The following HEATR5A variants were observed in gnomAD, a reference collection of about 807,000 sequenced individuals.
The protein encoded by HEATR5A is HEAT repeat-containing protein 5A.
HEATR5A carries 178 observed loss-of-function variants against 218.8 expected under a neutral mutation model. The ratio of observed to expected loss-of-function variants is 0.81; its 90% CI spans 0.72 to 0.92. The LOEUF (loss-of-function observed/expected upper bound fraction) is 0.92, where lower values mean the gene tolerates loss of function less well. Ranked by LOEUF, HEATR5A falls within the 40% of genes least tolerant of loss-of-function variation. HEATR5A has a pLI of 0.00. For missense variants in HEATR5A, 2,420 were observed against 2,418.9 expected (o/e 1.00, Z -0.01); for synonymous variants, 864 against 871.6 (o/e 0.99, Z 0.15).
In HEATR5A at chr14:31,358,912, A is replaced by G. The variant is rs775000349; in HGVS notation, c.2217T>C (p.His739=). 1 of 1,596,998 alleles carries G rather than the reference A, an allele frequency of 6.3e-7. No individual in the cohort carries two copies. The highest frequency in any genetic ancestry group is 2.2e-5 in the East Asian group (1 of 44,774). ...GCCATACCTGTTCTTCAATAAATCT[A>G]TGGTCAGTCTCTTGTAGGAAAGGAC... ...ILSPFLQETD[H]RFIEEQLLLG... The change falls in exon 15 of 36, where the codon CAT becomes CAC. Residue 739 remains histidine, a synonymous_variant. Transcript: ENST00000543095.
At chr14:31,303,253 T>G (rs912279189) in intron 32 of HEATR5A, among the ~76,000 whole-genome samples, 1 of 151,962 alleles carries the variant, frequency 6.6e-6, no homozygotes, top group Non-Finnish European at 1.5e-5. Flanking sequence ...GCCAATATGG[T>G]GAAATCCTGT....
chr14:31,403,545 A>T (rs2030952368), intron 1 of HEATR5A, among the ~76,000 whole-genome samples: 1 of 152,170 alleles, frequency 6.6e-6, no homozygotes, highest in Non-Finnish European at 1.5e-5. Flanking sequence ...GCCCATTAGC[A>T]TCAGTTCCCC....
chr14:31,326,286 C>G lies in HEATR5A; in HGVS notation c.3424G>C (p.Glu1142Gln). ...TCATGGCATAATCTCTCATCTGTCT[C>G]CTTGTCTAGTAAGATCAACAATGCC... is the stretch of plus-strand genomic sequence containing the variant. Reference protein sequence around the residue: ...EGALLILLDKETDERLCHDIK... With the variant: ...EGALLILLDKQTDERLCHDIK... The change falls in exon 23 of 36, where the codon GAG becomes CAG. Residue 1142 changes from glutamate to glutamine, a missense_variant. Transcript: ENST00000543095. The G allele has an allele frequency of 6.2e-7, 1 of 1,613,398 alleles. No individual in the cohort carries two copies. Among genetic ancestry groups the G allele is most frequent in the African/African-American group, 1.3e-5 (1 of 75,020 alleles).
rs1595106845 is a variant in HEATR5A, at chr14:31,333,322, C to A, written c.3367+4154G>T. Among the ~76,000 whole-genome samples, 4 of 152,118 alleles carry A rather than the reference C, an allele frequency of 2.6e-5. No individual in the cohort carries two copies. The South Asian group carries it at 6.2e-4, about 24-fold the overall frequency. On this transcript the variant is annotated intron_variant, in intron 22 of 35. Transcript: ENST00000543095. ...GGAGTACAGTGGCGTGATCTTGGCT[C>A]ACTGCAACCTCTGCCTCCCGGGTTC... is the stretch of plus-strand genomic sequence containing the variant.
intron 1 of HEATR5A, among the ~76,000 whole-genome samples, chr14:31,407,901 T>C (rs559804518): frequency 5.0e-4 from 76 of 152,336 alleles, no homozygotes; most frequent in Middle Eastern, 3.4e-3. Flanking sequence ...GTGCTGGAAT[T>C]ACAGAGGTGA....
At chr14:31,294,586 T>G (rs1899117312) in intron 34 of HEATR5A, among the ~76,000 whole-genome samples, 1 of 152,030 alleles carries the variant, frequency 6.6e-6, no homozygotes, top group Non-Finnish European at 1.5e-5. Context: ...ATTTTTTGTA[T>G]TTTTAGTAGA....
chr14:31,343,171 C>G (rs983710406), intron 21 of HEATR5A, among the ~76,000 whole-genome samples: 9 of 151,820 alleles, frequency 5.9e-5, no homozygotes, highest in South Asian at 2.1e-4. Context: ...CGGCTCACTG[C>G]AACCTCCACC....
chr14:31,327,109 G>A (rs570044472), intron 22 of HEATR5A, among the ~76,000 whole-genome samples: 1 of 151,502 alleles, frequency 6.6e-6, no homozygotes, highest in South Asian at 2.1e-4. Context: ...TAAGTAGCTG[G>A]GACTACAGGT....
chr14:31,307,987 GAAC>G lies in HEATR5A; in HGVS notation c.4721_4723del (p.Arg1574_Ser1575delinsPro). ...AGTTATGCTTTCCATGGTTGCATCT[GAAC>G]GTAAGGAACATAGAAATTCCACGCT... is the stretch of plus-strand genomic sequence containing the variant. On this transcript the variant is annotated inframe_deletion, in exon 30 of 36. Transcript: ENST00000543095. The G allele has an allele frequency of 1.9e-6, 3 of 1,613,190 alleles. No homozygotes were observed. Among genetic ancestry groups the G allele is most frequent in the Non-Finnish European group, 2.5e-6 (3 of 1,179,602 alleles).
intron 21 of HEATR5A, among the ~76,000 whole-genome samples, chr14:31,341,487 G>A (rs768003655): frequency 2.4e-4 from 36 of 152,120 alleles, no homozygotes; most frequent in Non-Finnish European, 1.3e-4. Context: ...TCAACATCCT[G>A]GATTCAGGTG....
chr14:31,404,392 T>G (rs768006524), intron 1 of HEATR5A, among the ~76,000 whole-genome samples: 3 of 152,144 alleles, frequency 2.0e-5, no homozygotes, highest in Non-Finnish European at 4.4e-5. Context: ...TATTAGAAAA[T>G]TAGATGACAG....
In HEATR5A at chr14:31,388,999, G is replaced by C; in HGVS notation, c.779C>G (p.Ser260Ter). ...AGATACTCTGCGAATGCTTTGACGT[G>C]AGGCTGCTATGACAAAGAACAAAAC... ...VISKHPGTAASRQSIRRVSLE... is the reference protein window; with the variant it reads ...VISKHPGTAA Residue 260 changes from serine to a stop codon, truncating the protein, a stop_gained, in exon 7 of 36, where the codon TCA becomes TGA. Coordinates refer to ENST00000543095, the MANE Select transcript of HEATR5A (RefSeq NM_015473.4). LOFTEE classifies it high-confidence loss of function. The C allele has an allele frequency of 6.2e-7, 1 of 1,609,204 alleles. No individual in the cohort carries two copies. Among genetic ancestry groups the C allele is most frequent in the Non-Finnish European group, 8.5e-7 (1 of 1,177,394 alleles).
At chr14:31,404,593 T>C (rs1212497654) in intron 1 of HEATR5A, among the ~76,000 whole-genome samples, 1 of 152,120 alleles carries the variant, frequency 6.6e-6, no homozygotes, top group Non-Finnish European at 1.5e-5. Flanking sequence ...CATTTAAACA[T>C]AAGAAGATTG....
intron 6 of HEATR5A, 146 bp from the exon 7 acceptor site, chr14:31,389,151 AAC>A (rs772804675): frequency 6.9e-5 from 49 of 712,182 alleles, no homozygotes; most frequent in Non-Finnish European, 1.0e-4. Context: ...TCTACACAGT[AAC>A]ACACAAAGTC....
chr14:31,298,236 T>C (rs1899254153), intron 33 of HEATR5A, among the ~76,000 whole-genome samples: 1 of 151,136 alleles, frequency 6.6e-6, no homozygotes, highest in Non-Finnish European at 1.5e-5. Flanking sequence ...TGTCAGATAA[T>C]ATAATATGTG....
At chr14:31,397,991 G>A (rs1400137185) in intron 4 of HEATR5A, among the ~76,000 whole-genome samples, 1 of 152,078 alleles carries the variant, frequency 6.6e-6, no homozygotes, top group Non-Finnish European at 1.5e-5. Flanking sequence ...TTACATATTA[G>A]GGACCACGGA....
intron 22 of HEATR5A, among the ~76,000 whole-genome samples, chr14:31,328,629 C>T (rs1480868584): frequency 6.6e-6 from 1 of 152,130 alleles, no homozygotes; most frequent in Non-Finnish European, 1.5e-5. Context: ...CCCATAATCC[C>T]AGCACTTTGG....
chr14:31,333,877 CA>C (rs35604069), intron 22 of HEATR5A, among the ~76,000 whole-genome samples: 10 of 146,388 alleles, frequency 6.8e-5, no homozygotes, highest in South Asian at 2.2e-4. Flanking sequence ...ACAAAAAATA[CA>C]AAAAAAAAAA....
Position 31,302,441 on chromosome 14 carries a change from C to A in HEATR5A, c.5318G>T (p.Gly1773Val). The A allele has an allele frequency of 6.3e-7, 1 of 1,597,760 alleles. No individual in the cohort carries two copies. Among genetic ancestry groups the A allele is most frequent in the Non-Finnish European group, 8.5e-7 (1 of 1,171,388 alleles). ...AGCTGCAACTGTCGAAGATAACTGG[C>A]CCCCAGGTAACTTCACAGCAGTCTC... ...LRETAVKLPG[G>V]QLSSTVAASL... Residue 1773 changes from glycine to valine, a missense_variant, in exon 33 of 36, where the codon GGC becomes GTC. Gly to Val is a moderately radical substitution (Grantham distance 109). Coordinates refer to ENST00000543095, the MANE Select transcript of HEATR5A (RefSeq NM_015473.4).
Sources: gnomAD v4.1 joint callset for allele counts (sites outside exome capture counted in the v4.1 genomes callset) on GRCh38, gnomAD v4.1.1 for gene constraint, MANE v1.5 for transcripts, NCBI Gene and HGNC (gene_info 2026-07-23, HGNC 2026-07-21) for gene names.